EPB41L3: variants seen among roughly 807,000 people sequenced by gnomAD.
EPB41L3 encodes band 4.1-like protein 3.
EPB41L3 carries 57 observed loss-of-function variants against 127.1 expected under a neutral mutation model. The ratio of observed to expected loss-of-function variants is 0.45; its 90% CI spans 0.36 to 0.56. The LOEUF (loss-of-function observed/expected upper bound fraction) is 0.56. Ranked by LOEUF, EPB41L3 falls within the 20% of genes least tolerant of loss-of-function variation. The pLI is 0.00. For synonymous variants in EPB41L3, 572 were observed against 549.5 expected (o/e 1.04, Z -0.57); for missense variants, 1,273 against 1,372.2 (o/e 0.93, Z 1.14).
intron 2 of EPB41L3, among the ~76,000 whole-genome samples, chr18:5,612,836 G>A (rs564638203): frequency 7.9e-5 from 12 of 152,298 alleles, no homozygotes; most frequent in South Asian, 4.1e-4. Flanking sequence ...CGCCTCCAGG[G>A]TTCAAGCAAT....
intron 3 of EPB41L3, among the ~76,000 whole-genome samples, chr18:5,561,656 C>T (rs1027432993): frequency 5.3e-5 from 8 of 152,186 alleles, no homozygotes; most frequent in African/African-American, 1.7e-4. Context: ...AGAAGATCCA[C>T]TGATGAATGC....
At chr18:5,445,441 C>T (rs1010199526) in intron 3 of EPB41L3, among the ~76,000 whole-genome samples, 197 bp from the exon 4 acceptor site, 1 of 152,120 alleles carries the variant, frequency 6.6e-6, no homozygotes, top group Non-Finnish European at 1.5e-5. Flanking sequence ...AAGGCTTCAA[C>T]CTACAAAAGC....
chr18:5,560,947 AT>A lies in EPB41L3; in HGVS notation c.-306+51392del, dbSNP rs1568573876. Among the ~76,000 whole-genome samples the A allele has an allele frequency of 9.5e-4, 7 of 7,388 alleles. No homozygotes were observed. The South Asian group carries it at 0.02, about 21-fold the overall frequency. The allele number at this position is 7,388 out of a possible 152,430, so 4.8% of individuals were successfully genotyped here. On this transcript the variant is annotated intron_variant, in intron 3 of 21. Coordinates refer to the EPB41L3 transcript ENST00000545076. ...ATATGATTCATAGTTGTAATTATTT[AT>A]TTATTTATTTATTTATTTATTTATT... is the stretch of plus-strand genomic sequence containing the variant.
upstream of EPB41L3, among the ~76,000 whole-genome samples, chr18:5,630,069 T>C (rs1599434411): frequency 6.6e-6 from 1 of 152,084 alleles, no homozygotes; most frequent in East Asian, 1.9e-4. Context: ...GCGCCCGGCT[T>C]CCGCGGCAGC....
chr18:5,441,624 C>T (rs1244451151), intron 5 of EPB41L3, among the ~76,000 whole-genome samples: 1 of 152,090 alleles, frequency 6.6e-6, no homozygotes, highest in Non-Finnish European at 1.5e-5. Flanking sequence ...CGCCACCATG[C>T]CCGGCTAATT....
chr18:5,438,135 G>GT (rs770075512), intron 5 of EPB41L3, 25 bp from the exon 6 acceptor site: 24 of 1,606,886 alleles, frequency 1.5e-5, no homozygotes, highest in Non-Finnish European at 2.0e-5. Flanking sequence ...AAAAATTAGA[G>GT]TAAAACCTTG....
intron 3 of EPB41L3, among the ~76,000 whole-genome samples, chr18:5,468,215 G>A (rs116541564): frequency 9.0e-4 from 137 of 152,246 alleles, no homozygotes; most frequent in African/African-American, 3.2e-3. Flanking sequence ...AGGCCTGCAG[G>A]TGCCCCTCAG....
Position 5,438,116 on chromosome 18 carries a change from AG to A in EPB41L3, c.530-7del. Reference sequence around the variant, plus strand: ...TGAAAAGTGCCAAGCACCACCTGCAAGGATGGAAAAAAATTAGAGTAAAACC... The same window carrying A: ...TGAAAAGTGCCAAGCACCACCTGCAAGATGGAAAAAAATTAGAGTAAAACC... On this transcript the variant is annotated splice_region_variant and splice_polypyrimidine_tract_variant and intron_variant, in intron 5 of 22. Coordinates refer to ENST00000341928, the MANE Select transcript of EPB41L3 (RefSeq NM_012307.5). 1.2e-6 allele frequency: 2 copies of A among 1,612,930 alleles called. No individual in the cohort carries two copies. Among genetic ancestry groups the A allele is most frequent in the Non-Finnish European group, 1.7e-6 (2 of 1,179,718 alleles).
intron 9 of EPB41L3, among the ~76,000 whole-genome samples, chr18:5,427,750 A>ATT (rs200489368): frequency 1.4e-5 from 2 of 147,552 alleles, no homozygotes; most frequent in Admixed American, 6.8e-5. Flanking sequence ...TGATACTGGA[A>ATT]TTTTTTTTTT....
chr18:5,546,832 T>A (rs1240118074), upstream of EPB41L3, among the ~76,000 whole-genome samples: 1 of 152,172 alleles, frequency 6.6e-6, no homozygotes, highest in African/African-American at 2.4e-5. Context: ...CCATGCAGGA[T>A]CCTCTCTTAG....
chr18:5,433,573 T>C lies in EPB41L3; in HGVS notation c.825-17A>G, dbSNP rs749761301. The C allele has an allele frequency of 1.3e-5, 20 of 1,597,490 alleles. No individual in the cohort carries two copies. The South Asian group carries it at 2.1e-4, about 17-fold the overall frequency. On this transcript the variant is annotated splice_polypyrimidine_tract_variant and intron_variant, in intron 7 of 22. Transcript: ENST00000341928. ...GTCATTCCTCTGATGAGAAGAAAAATATGTTACAATGATGCTTTTCCCTTC... is the reference window on the plus strand; with the variant it reads ...GTCATTCCTCTGATGAGAAGAAAAACATGTTACAATGATGCTTTTCCCTTC...
intron 1 of EPB41L3, among the ~76,000 whole-genome samples, chr18:5,501,310 T>A (rs377645103): frequency 8.8e-5 from 11 of 124,970 alleles, no homozygotes; most frequent in Admixed American, 6.5e-4. Context: ...TGAATGAATG[T>A]ATCAGCTTCA....
intron 3 of EPB41L3, among the ~76,000 whole-genome samples, chr18:5,474,277 T>C (rs2086733784): frequency 1.3e-5 from 2 of 151,320 alleles, no homozygotes; most frequent in African/African-American, 4.8e-5. Flanking sequence ...AACACTACAA[T>C]GATCTAAGCC....
chr18:5,419,570 T>C lies in EPB41L3; in HGVS notation c.1506+141A>G. 2.4e-6 allele frequency: 3 copies of C among 1,228,514 alleles called. 1 individual carries two copies. Among genetic ancestry groups the C allele is most frequent in the Non-Finnish European group, 3.4e-6 (3 of 882,808 alleles). 76.1% of individuals were successfully genotyped at this position (1,228,514 alleles called of 1,614,324 possible). On this transcript the variant is annotated intron_variant, in intron 12 of 22. Transcript: ENST00000341928. Reference sequence around the variant, plus strand: ...AAATGTTGAAACAGCAATCATAATTTAAAAATTGACATATGAATGTGACCA... The same window carrying C: ...AAATGTTGAAACAGCAATCATAATTCAAAAATTGACATATGAATGTGACCA...
Position 5,495,759 on chromosome 18 carries a change from G to GCGCCCAACTCT in EPB41L3, c.-11-6576_-11-6566dup, listed in dbSNP as rs567490057. On this transcript the variant is annotated intron_variant, in intron 1 of 22. Coordinates refer to ENST00000341928, the MANE Select transcript of EPB41L3 (RefSeq NM_012307.5). ...TGACGGGGCAGGAAAAGTGGGTTCCGCGCCCAACTCTGCCATATGCTCTGT... is the reference window on the plus strand; with the variant it reads ...TGACGGGGCAGGAAAAGTGGGTTCCGCGCCCAACTCTCGCCCAACTCTGCCATATGCTCTGT... 2.6e-5 allele frequency among the ~76,000 whole-genome samples: 4 copies of GCGCCCAACTCT among 152,292 alleles called. No homozygotes were observed. In the South Asian group the frequency reaches 8.3e-4, roughly 32 times the overall value.
intron 3 of EPB41L3, among the ~76,000 whole-genome samples, chr18:5,589,629 C>G (rs925872749): frequency 6.6e-6 from 1 of 152,106 alleles, no homozygotes; most frequent in Non-Finnish European, 1.5e-5. Flanking sequence ...ATATATACCC[C>G]AGTCTTCCCA....
chr18:5,492,340 A>G (rs1568412596), intron 1 of EPB41L3, among the ~76,000 whole-genome samples: 1 of 146,482 alleles, frequency 6.8e-6, no homozygotes, highest in Non-Finnish European at 1.5e-5. Context: ...ATACAATACA[A>G]TATAATATGC....
intron 9 of EPB41L3, among the ~76,000 whole-genome samples, chr18:5,425,530 CAAGAAGCTGGG>C (rs897951664): frequency 9.2e-5 from 14 of 152,116 alleles, no homozygotes; most frequent in Non-Finnish European, 1.6e-4. Context: ...CACTCTGCTG[CAAGAAGCTGGG>C]AAGAGTCTCT....
intron 5 of EPB41L3, among the ~76,000 whole-genome samples, chr18:5,440,641 T>C (rs2146122471): frequency 6.6e-6 from 1 of 152,348 alleles, no homozygotes; most frequent in South Asian, 2.1e-4. Flanking sequence ...ATAACACTGA[T>C]GATAGTTCAT....
Sources: gnomAD v4.1 joint callset for allele counts (sites outside exome capture counted in the v4.1 genomes callset) on GRCh38, gnomAD v4.1.1 for gene constraint, MANE v1.5 for transcripts, NCBI Gene and HGNC (gene_info 2026-07-23, HGNC 2026-07-21) for gene names.